The following TEAD1 variants were observed in gnomAD, a reference collection of about 807,000 sequenced individuals.
The protein encoded by TEAD1 is TEA domain transcription factor 1, also known as transcriptional enhancer factor TEF-1.
Under a neutral mutation model 54.9 loss-of-function variants are expected in TEAD1, and 9 were observed. That is an observed-to-expected ratio of 0.16 (90% CI 0.10 to 0.29). The LOEUF is 0.29. TEAD1 is among the 10% of genes least tolerant of loss of function. TEAD1 has a pLI of 1.00. For synonymous variants in TEAD1, 200 were observed against 187.8 expected (o/e 1.07, Z -0.53); for missense variants, 387 against 535.9 (o/e 0.72, Z 2.74).
At chr11:12,834,758 CCA>C (rs1946852409) in intron 3 of TEAD1, among the ~76,000 whole-genome samples, 1 of 75,486 alleles carries the variant, frequency 1.3e-5, no homozygotes. Context: ...ACCTCTGTGC[CCA>C]CTCTTTTTTT....
At chr11:12,751,787 AAAAG>A in intron 2 of TEAD1, among the ~76,000 whole-genome samples, 1 of 152,306 alleles carries the variant, frequency 6.6e-6, no homozygotes, top group South Asian at 2.1e-4. Flanking sequence ...AGAATGGAGA[AAAAG>A]AAGAGGATAG....
At chr11:12,885,234 CTTTTTT>C (rs10549378) in intron 9 of TEAD1, among the ~76,000 whole-genome samples, 1 of 105,052 alleles carries the variant, frequency 9.5e-6, no homozygotes, top group Middle Eastern at 4.8e-3. Context: ...CTTGAATTGT[CTTTTTT>C]TTTTTTTTTT....
rs530440600 is a variant in TEAD1, at chr11:12,911,956, CT to C, written c.873+9854del. Among the ~76,000 whole-genome samples, 189 of 143,354 alleles carry C rather than the reference CT, an allele frequency of 1.3e-3. 1 individual carries two copies. The highest frequency in any genetic ancestry group is 6.6e-3 in the East Asian group (33 of 4,980). The allele number at this position is 143,354 out of a possible 152,430, so 94.0% of individuals were successfully genotyped here. A position where few individuals can be genotyped will look rare whatever the true frequency, so the allele number is the denominator to read the frequency against. The stretch of plus-strand genomic sequence containing the variant: ...CAATGTATATAATAGATTTTCAAGG[CT>C]TTTTTTTTTTAAGTTACCTGGAAAG... On this transcript the variant is annotated intron_variant, in intron 10 of 12. Coordinates refer to ENST00000527636, the MANE Select transcript of TEAD1 (RefSeq NM_021961.6).
At chr11:12,906,518 G>A (rs767437671) in intron 10 of TEAD1, among the ~76,000 whole-genome samples, 3 of 147,754 alleles carry the variant, frequency 2.0e-5, no homozygotes, top group Non-Finnish European at 4.5e-5. Context: ...CTCTAGCCTG[G>A]GCGACAGAGT....
At position 12,682,708 on chromosome 11, in the gene TEAD1, C is replaced by G. The variant is rs146236976; in HGVS notation, c.-55+7147C>G. The stretch of plus-strand genomic sequence containing the variant: ...AGCGTTTAAACATTTATGGGTGCTA[C>G]TGTGTGCCAGGGATTTAGTAATTAG... On this transcript the variant is annotated intron_variant, in intron 2 of 12. Transcript: ENST00000527636. Among the ~76,000 whole-genome samples the G allele has an allele frequency of 3.0e-3, 458 of 152,196 alleles. 1 individual carries two copies. The highest frequency in any genetic ancestry group is 4.2e-3 in the Non-Finnish European group (289 of 68,028).
intron 3 of TEAD1, among the ~76,000 whole-genome samples, chr11:12,819,678 CCTGACCTTTTG>C (rs1202203798): frequency 9.9e-5 from 15 of 152,170 alleles, no homozygotes; most frequent in African/African-American, 3.6e-4. Flanking sequence ...GTCTTGATCT[CCTGACCTTTTG>C]ATCCGCCCGC....
At chr11:12,682,489 C>T (rs1295247892) in intron 2 of TEAD1, among the ~76,000 whole-genome samples, 1 of 152,034 alleles carries the variant, frequency 6.6e-6, no homozygotes, top group East Asian at 1.9e-4. Context: ...CAGGGATGCT[C>T]CTAGAGGTCG....
At chr11:12,761,002 C>T (rs1945092059) in intron 2 of TEAD1, among the ~76,000 whole-genome samples, 1 of 152,148 alleles carries the variant, frequency 6.6e-6, no homozygotes, top group African/African-American at 2.4e-5. Flanking sequence ...TGTGTCCTGG[C>T]CCATTGCTAG....
chr11:12,765,683 T>C (rs1266851875), intron 3 of TEAD1, among the ~76,000 whole-genome samples: 2 of 152,108 alleles, frequency 1.3e-5, no homozygotes, highest in Non-Finnish European at 2.9e-5. Context: ...AAGGAAAATT[T>C]TGCTTTCTGC....
intron 2 of TEAD1, among the ~76,000 whole-genome samples, chr11:12,704,679 G>A (rs141367199): frequency 1.3e-3 from 204 of 152,280 alleles, no homozygotes; most frequent in African/African-American, 4.7e-3. Flanking sequence ...CTCTCTCTGA[G>A]CCTCTTGAGG....
intron 9 of TEAD1, among the ~76,000 whole-genome samples, chr11:12,894,424 C>CT (rs759775772): frequency 6.6e-6 from 1 of 151,920 alleles, no homozygotes. Context: ...ATTGTCAGTC[C>CT]TTTTAAAAAA....
At chr11:12,895,202 C>CCG (rs1948288654) in intron 9 of TEAD1, among the ~76,000 whole-genome samples, 1 of 152,110 alleles carries the variant, frequency 6.6e-6, no homozygotes, top group South Asian at 2.1e-4. Flanking sequence ...TTTATTAACC[C>CCG]CCCCCGGGTA....
intron 5 of TEAD1, chr11:12,879,488 A>G (rs1947922750): frequency 1.5e-6 from 1 of 652,370 alleles, no homozygotes; most frequent in Non-Finnish European, 2.8e-6. Flanking sequence ...ATCCCTAAAA[A>G]AAGCCTTGCC....
chr11:12,684,362 C>G (rs900622943), intron 2 of TEAD1, among the ~76,000 whole-genome samples: 8 of 152,316 alleles, frequency 5.3e-5, no homozygotes, highest in Non-Finnish European at 8.8e-5. Flanking sequence ...TCCTTAGCTT[C>G]TTGCTTGAAA....
chr11:12,698,963 C>G (rs2133835428), intron 2 of TEAD1, among the ~76,000 whole-genome samples: 1 of 152,204 alleles, frequency 6.6e-6, no homozygotes, highest in African/African-American at 2.4e-5. Flanking sequence ...TCAGTACTTC[C>G]TTTATAGTTT....
chr11:12,887,818 G>T (rs999024358), intron 9 of TEAD1, among the ~76,000 whole-genome samples: 2 of 152,148 alleles, frequency 1.3e-5, no homozygotes, highest in Non-Finnish European at 2.9e-5. Context: ...ATAACATCCA[G>T]CATTAACCAC....
intron 9 of TEAD1, among the ~76,000 whole-genome samples, chr11:12,897,972 A>T (rs1948345060): frequency 6.6e-6 from 1 of 152,174 alleles, no homozygotes; most frequent in African/African-American, 2.4e-5. Flanking sequence ...CTATTCCTGG[A>T]TGTGTGACCT....
intron 2 of TEAD1, among the ~76,000 whole-genome samples, chr11:12,757,123 T>G (rs1296548776): frequency 6.6e-6 from 1 of 152,238 alleles, no homozygotes; most frequent in African/African-American, 2.4e-5. Flanking sequence ...TCACTTCTAC[T>G]GACTTCTCTC....
intron 3 of TEAD1, among the ~76,000 whole-genome samples, chr11:12,855,137 C>T (rs945410435): frequency 6.6e-6 from 1 of 152,160 alleles, no homozygotes; most frequent in African/African-American, 2.4e-5. Flanking sequence ...ATACATACCT[C>T]CTAGATCTTC....
Sources: gnomAD v4.1 joint callset for allele counts (sites outside exome capture counted in the v4.1 genomes callset) on GRCh38, gnomAD v4.1.1 for gene constraint, MANE v1.5 for transcripts, NCBI Gene and HGNC (gene_info 2026-07-23, HGNC 2026-07-21) for gene names.